Variants in NOL10 observed in about 807,000 individuals in gnomAD.
NOL10 encodes nucleolar protein 10.
A neutral mutation model predicts 103.5 loss-of-function variants in NOL10; 58 were observed. The observed-to-expected ratio is 0.56, with a 90% CI of 0.45 to 0.70. NOL10 has a LOEUF of 0.70. Among genes scored for constraint, NOL10 ranks in the 30% least tolerant of loss-of-function variants. NOL10 has a pLI of 0.00. For missense variants in NOL10, 763 were observed against 807.3 expected (o/e 0.95, Z 0.67); for synonymous variants, 287 against 282.5 (o/e 1.02, Z -0.16).
At chr2:10,653,319 G>C (rs994462366) in intron 12 of NOL10, among the ~76,000 whole-genome samples, 3 of 152,082 alleles carry the variant, frequency 2.0e-5, no homozygotes, top group Non-Finnish European at 4.4e-5. Flanking sequence ...TGGGAAGCCA[G>C]ATAGTGCCAG....
chr2:10,688,356 C>T (rs1411184210), intron 1 of NOL10, among the ~76,000 whole-genome samples: 1 of 152,190 alleles, frequency 6.6e-6, no homozygotes, highest in Non-Finnish European at 1.5e-5. Context: ...CCTCTCCAGC[C>T]TCATCCACCC....
At chr2:10,595,596 TTGTTTTTG>T (rs1558277547) in intron 17 of NOL10, among the ~76,000 whole-genome samples, 149 of 130,964 alleles carry the variant, frequency 1.1e-3, no homozygotes, top group South Asian at 4.0e-3. Context: ...TTGTTTTGTT[TTGTTTTTG>T]TTTGTTTGTT....
chr2:10,587,148 TAC>T (rs1201815491), intron 19 of NOL10, among the ~76,000 whole-genome samples: 2 of 28,428 alleles, frequency 7.0e-5, no homozygotes, highest in African/African-American at 1.2e-4. Flanking sequence ...CACATATATA[TAC>T]ATATATACAC....
At chr2:10,582,138 T>G (rs984948507) in intron 19 of NOL10, among the ~76,000 whole-genome samples, 1 of 152,230 alleles carries the variant, frequency 6.6e-6, no homozygotes, top group African/African-American at 2.4e-5. Flanking sequence ...ATGCTTATAT[T>G]AAAACAAAGC....
In NOL10 at chr2:10,570,915, AG is replaced by A. The variant is rs1674146258; in HGVS notation, c.*1155del. ...TCTACTGCTTGTTTCCCATTATTACAGGTTGGGTATCCCTTATCTGAAATGC... is the reference window on the plus strand; with the variant it reads ...TCTACTGCTTGTTTCCCATTATTACAGTTGGGTATCCCTTATCTGAAATGC... On this transcript the variant is annotated 3_prime_UTR_variant, in exon 21 of 21. Coordinates refer to ENST00000381685, the MANE Select transcript of NOL10 (RefSeq NM_024894.4). 6.6e-6 allele frequency: 1 copy of A among 150,990 alleles called. No individual in the cohort carries two copies. The highest frequency in any genetic ancestry group is 6.6e-5 in the Admixed American group (1 of 15,124). The allele number at this position is 150,990 out of a possible 1,614,324, so 9.4% of individuals were successfully genotyped here.
At chr2:10,607,054 A>G (rs1676297612) in intron 14 of NOL10, 131 bp downstream of exon 14, 3 of 531,014 alleles carry the variant, frequency 5.6e-6, no homozygotes, top group Non-Finnish European at 6.2e-6. Flanking sequence ...TATGTTTAAT[A>G]TCTGATTTGG....
chr2:10,608,601 A>G (rs1304486473), intron 13 of NOL10, among the ~76,000 whole-genome samples: 1 of 152,226 alleles, frequency 6.6e-6, no homozygotes, highest in African/African-American at 2.4e-5. Flanking sequence ...AATCAAGCAT[A>G]CTGGAAAAAA....
intron 19 of NOL10, among the ~76,000 whole-genome samples, chr2:10,584,060 C>T (rs560945193): frequency 6.6e-6 from 1 of 152,146 alleles, no homozygotes; most frequent in African/African-American, 2.4e-5. Context: ...GAAGGCACCC[C>T]CAACCCTTCG....
intron 14 of NOL10, among the ~76,000 whole-genome samples, chr2:10,606,020 C>T (rs1472709637): frequency 6.6e-6 from 1 of 152,166 alleles, no homozygotes; most frequent in Non-Finnish European, 1.5e-5. Context: ...TCTAAGTTTT[C>T]CCACTCTCAG....
At chr2:10,627,353 G>A (rs1287993748) in intron 13 of NOL10, among the ~76,000 whole-genome samples, 1 of 152,034 alleles carries the variant, frequency 6.6e-6, no homozygotes, top group African/African-American at 2.4e-5. Flanking sequence ...AATAAAATTA[G>A]GCATTTGTTT....
At chr2:10,622,400 C>T (rs1468695906) in intron 13 of NOL10, among the ~76,000 whole-genome samples, 1 of 149,404 alleles carries the variant, frequency 6.7e-6, no homozygotes, top group Non-Finnish European at 1.5e-5. Flanking sequence ...TTGTTAGTAA[C>T]TTGTTAATAA....
At chr2:10,658,059 A>G (rs1364127082) in intron 10 of NOL10, among the ~76,000 whole-genome samples, 168 bp from the exon 11 acceptor site, 2 of 152,232 alleles carry the variant, frequency 1.3e-5, no homozygotes, top group African/African-American at 2.4e-5. Flanking sequence ...AAGATCTCTT[A>G]AATAATCCTT....
intron 1 of NOL10, among the ~76,000 whole-genome samples, chr2:10,687,354 A>T (rs1682287365): frequency 6.6e-6 from 1 of 151,270 alleles, no homozygotes; most frequent in South Asian, 2.1e-4. Flanking sequence ...GACACAGGTG[A>T]CCACCACCTC....
At chr2:10,598,685 A>T (rs1381187696) in intron 17 of NOL10, among the ~76,000 whole-genome samples, 6 of 152,232 alleles carry the variant, frequency 3.9e-5, no homozygotes, top group Admixed American at 1.3e-4. Context: ...AGCTTATCCA[A>T]ACTTAGAAAG....
intron 18 of NOL10, 97 bp downstream of exon 18, chr2:10,589,481 T>C: frequency 8.2e-7 from 1 of 1,217,580 alleles, no homozygotes; most frequent in South Asian, 1.6e-5. Flanking sequence ...ATGGAATTAA[T>C]TACATCTCAA....
chr2:10,573,037 A>G (rs994924108), intron 20 of NOL10, among the ~76,000 whole-genome samples: 4 of 151,518 alleles, frequency 2.6e-5, no homozygotes, highest in African/African-American at 4.9e-5. Context: ...ATGGTTTTGA[A>G]AATACAAACT....
intron 13 of NOL10, among the ~76,000 whole-genome samples, chr2:10,621,274 A>G (rs1197472889): frequency 6.6e-6 from 1 of 152,148 alleles, no homozygotes; most frequent in African/African-American, 2.4e-5. Context: ...GTGAGAGGCA[A>G]AAAAAACCAA....
intron 13 of NOL10, among the ~76,000 whole-genome samples, chr2:10,636,303 C>T (rs759718519): frequency 3.3e-5 from 5 of 151,406 alleles, no homozygotes; most frequent in Admixed American, 6.6e-5. Context: ...GGCACAGTGG[C>T]TTACACCTGT....
chr2:10,651,552 T>A (rs1271784567), intron 12 of NOL10, among the ~76,000 whole-genome samples: 2 of 152,156 alleles, frequency 1.3e-5, no homozygotes, highest in African/African-American at 4.8e-5. Context: ...GTCTTTTAAA[T>A]CCAATGTATA....
Sources: gnomAD v4.1 joint callset for allele counts (sites outside exome capture counted in the v4.1 genomes callset) on GRCh38, gnomAD v4.1.1 for gene constraint, MANE v1.5 for transcripts, NCBI Gene and HGNC (gene_info 2026-07-23, HGNC 2026-07-21) for gene names.